The following DLG2 variants were observed in gnomAD, a reference collection of about 807,000 sequenced individuals.
The protein encoded by DLG2 is discs large MAGUK scaffold protein 2.
A neutral mutation model predicts 132.5 loss-of-function variants in DLG2; 45 were observed. The observed-to-expected ratio is 0.34, with a 90% CI of 0.27 to 0.44. DLG2 has a LOEUF of 0.44. DLG2 is among the 20% of genes least tolerant of loss of function. DLG2 has a pLI of 1.00. For synonymous variants in DLG2, 424 were observed against 419.6 expected, an observed-to-expected ratio of 1.01 and a Z score of -0.13; for missense variants, 1,045 against 1,196.9, an observed-to-expected ratio of 0.87 and a Z score of 1.87.
rs563973828 is a variant in DLG2, at chr11:84,340,803, A to G, written c.520-89512T>C. Among the ~76,000 whole-genome samples the G allele has an allele frequency of 4.0e-4, 58 of 145,524 alleles. 2 individuals carry two copies. In the South Asian group the frequency reaches 0.012, roughly 29 times the overall value. On this transcript the variant is annotated intron_variant, in intron 7 of 27. Coordinates refer to ENST00000376104, the MANE Select transcript of DLG2 (RefSeq NM_001142699.3). ...TGCAAAACTGAAAGATACCAAAATAAAATCAAAAGTATGGGGCTAGTGTTA... is the reference window on the plus strand; with the variant it reads ...TGCAAAACTGAAAGATACCAAAATAGAATCAAAAGTATGGGGCTAGTGTTA...
chr11:83,826,251 A>C (rs2052739944), intron 17 of DLG2, among the ~76,000 whole-genome samples: 1 of 152,206 alleles, frequency 6.6e-6, no homozygotes, highest in Admixed American at 6.5e-5. Context: ...GCCCTGCTGA[A>C]TACCCACACT....
intron 6 of DLG2, among the ~76,000 whole-genome samples, chr11:85,054,102 T>C (rs1424197778): frequency 6.6e-6 from 1 of 151,502 alleles, no homozygotes; most frequent in African/African-American, 2.4e-5. Context: ...ACATCTCTAA[T>C]AAAAATACAA....
chr11:85,603,529 CT>C (rs1317555341), intron 2 of DLG2, among the ~76,000 whole-genome samples: 161 of 145,736 alleles, frequency 1.1e-3, no homozygotes, highest in African/African-American at 2.0e-3. Context: ...TTTTCTCTCT[CT>C]TTTTTTTTTT....
At chr11:84,988,930 G>A (rs1376657563) in intron 6 of DLG2, among the ~76,000 whole-genome samples, 3 of 152,022 alleles carry the variant, frequency 2.0e-5, no homozygotes, top group Non-Finnish European at 2.9e-5. Context: ...CTCCTTATTT[G>A]TAGATGACAT....
At chr11:84,215,655 A>T (rs1273808750) in intron 8 of DLG2, among the ~76,000 whole-genome samples, 1 of 152,156 alleles carries the variant, frequency 6.6e-6, no homozygotes, top group Non-Finnish European at 1.5e-5. Flanking sequence ...TGCAGTAATG[A>T]TGTTACTAGT....
At chr11:83,906,091 A>C (rs1406879767) in intron 15 of DLG2, among the ~76,000 whole-genome samples, 130 of 76,044 alleles carry the variant, frequency 1.7e-3, no homozygotes, top group South Asian at 3.6e-3. Flanking sequence ...CTATATATAT[A>C]TATATATATA....
chr11:83,781,517 C>T (rs1373292764), intron 18 of DLG2, among the ~76,000 whole-genome samples: 1 of 152,160 alleles, frequency 6.6e-6, no homozygotes, highest in South Asian at 2.1e-4. Context: ...TCTTTTAACT[C>T]CAGTACCTTA....
At chr11:83,669,321 T>C (rs1242124334) in intron 18 of DLG2, among the ~76,000 whole-genome samples, 1 of 152,212 alleles carries the variant, frequency 6.6e-6, no homozygotes, top group Non-Finnish European at 1.5e-5. Context: ...AGCAAATTGA[T>C]ACTGAGTATG....
At chr11:85,610,251 G>A (rs1318034005) in intron 2 of DLG2, among the ~76,000 whole-genome samples, 1 of 152,066 alleles carries the variant, frequency 6.6e-6, no homozygotes, top group Non-Finnish European at 1.5e-5. Flanking sequence ...ATGCAGCAGT[G>A]ACTGCAACAC....
chr11:83,986,948 T>C (rs2093363205), intron 11 of DLG2, among the ~76,000 whole-genome samples: 1 of 152,188 alleles, frequency 6.6e-6, no homozygotes, highest in African/African-American at 2.4e-5. Context: ...TCATTGTAGA[T>C]TCTGGATATT....
chr11:85,078,522 A>G (rs904571172), intron 6 of DLG2, among the ~76,000 whole-genome samples: 4 of 151,986 alleles, frequency 2.6e-5, no homozygotes, highest in Non-Finnish European at 5.9e-5. Context: ...TGAGATGTGT[A>G]GGCAACAATA....
Position 84,858,377 on chromosome 11 carries a change from C to T in DLG2, c.357+253284G>A, listed in dbSNP as rs574701352. Among the ~76,000 whole-genome samples, 8 of 152,074 alleles carry T rather than the reference C, an allele frequency of 5.3e-5. 1 individual carries two copies. In the South Asian group the frequency reaches 1.5e-3, roughly 28 times the overall value. On this transcript the variant is annotated intron_variant, in intron 6 of 27. Transcript: ENST00000376104. ...CAACTTCTGATAGGAGTACCTGTTG[C>T]TTGAAAGAGTGGAAATCTGGGAAGA...
chr11:85,430,372 GA>G (rs1191068146), intron 3 of DLG2, among the ~76,000 whole-genome samples: 2 of 151,046 alleles, frequency 1.3e-5, no homozygotes, highest in Non-Finnish European at 3.0e-5. Context: ...GAAAAAGAAA[GA>G]AAAAAATTTA....
chr11:83,742,210 AACACACACACAC>A (rs67195725), intron 18 of DLG2, among the ~76,000 whole-genome samples: 1 of 147,004 alleles, frequency 6.8e-6, no homozygotes, highest in Non-Finnish European at 1.5e-5. Flanking sequence ...CCACACTTTT[AACACACACACAC>A]ACACACACAC....
chr11:85,027,570 T>C (rs1294323436), intron 6 of DLG2, among the ~76,000 whole-genome samples: 1 of 151,878 alleles, frequency 6.6e-6, no homozygotes, highest in Non-Finnish European at 1.5e-5. Flanking sequence ...TGGCAAAGAG[T>C]GTATGAGCGA....
At chr11:84,876,137 G>C (rs551472734) in intron 6 of DLG2, among the ~76,000 whole-genome samples, 1 of 152,152 alleles carries the variant, frequency 6.6e-6, no homozygotes, top group Non-Finnish European at 1.5e-5. Flanking sequence ...AATGAGACAA[G>C]TTAAGCAACT....
intron 16 of DLG2, among the ~76,000 whole-genome samples, chr11:83,855,957 A>G (rs866962714): frequency 2.0e-5 from 3 of 152,184 alleles, no homozygotes; most frequent in Non-Finnish European, 4.4e-5. Flanking sequence ...AGTATCTATT[A>G]GTTATTTTTC....
intron 2 of DLG2, among the ~76,000 whole-genome samples, chr11:85,604,278 T>C (rs772111726): frequency 3.3e-5 from 5 of 152,230 alleles, no homozygotes; most frequent in Non-Finnish European, 7.3e-5. Flanking sequence ...GCTGCCCTTT[T>C]ATGCTGCTTT....
At chr11:84,348,046 A>G (rs915090789) in intron 7 of DLG2, among the ~76,000 whole-genome samples, 1 of 152,210 alleles carries the variant, frequency 6.6e-6, no homozygotes. Flanking sequence ...ATTAAAACAG[A>G]TAACACAGGT....
Sources: allele counts gnomAD v4.1 joint callset (sites outside exome capture counted in the v4.1 genomes callset), GRCh38; gene constraint gnomAD v4.1.1; transcripts MANE v1.5; gene names NCBI Gene and HGNC (gene_info 2026-07-23, HGNC 2026-07-21).